RAPGEF5: variants seen among roughly 807,000 people sequenced by gnomAD.
The protein encoded by RAPGEF5 is M-Ras-regulated GEF.
A neutral mutation model predicts 125.2 loss-of-function variants in RAPGEF5; 65 were observed. The ratio of observed to expected loss-of-function variants is 0.52; its 90% CI spans 0.43 to 0.64. The LOEUF is 0.64. Ranked by LOEUF, RAPGEF5 falls within the 30% of genes least tolerant of loss-of-function variation. The pLI is 0.00. For synonymous variants in RAPGEF5, 391 were observed against 385.9 expected, an observed-to-expected ratio of 1.01 and a Z score of -0.16; for missense variants, 958 against 1,048.1, an observed-to-expected ratio of 0.91 and a Z score of 1.19.
chr7:22,287,576 A>T (rs113944220), intron 6 of RAPGEF5, among the ~76,000 whole-genome samples: 2 of 152,174 alleles, frequency 1.3e-5, no homozygotes, highest in African/African-American at 4.8e-5. Flanking sequence ...CAATACCCCC[A>T]AAAACACAGA....
Position 22,154,579 on chromosome 7 carries a change from C to G in RAPGEF5, c.1662G>C (p.Glu554Asp). The change falls in exon 17 of 26, where the codon GAG becomes GAC. Residue 554 changes from glutamate to aspartate, a missense_variant. Glu to Asp is a conservative substitution (Grantham distance 45). Transcript: ENST00000665637. ...EEIFCHVYIT[E>D]HSYVSVKAKV... ...TTGCCTTCACACTGACATAGGAGTG[C>G]TCTGTTATATACACGTGGCAGAAAA... 6.2e-7 allele frequency: 1 copy of G among 1,613,746 alleles called. No homozygotes were observed.
chr7:22,335,608 G>A (rs1006594547), intron 1 of RAPGEF5, among the ~76,000 whole-genome samples: 4 of 150,564 alleles, frequency 2.7e-5, no homozygotes, highest in South Asian at 4.2e-4. Flanking sequence ...CCACAAAGCC[G>A]TATCAACTCT....
intron 1 of RAPGEF5, among the ~76,000 whole-genome samples, chr7:22,341,905 G>A (rs1300099620): frequency 6.6e-6 from 1 of 152,172 alleles, no homozygotes; most frequent in Non-Finnish European, 1.5e-5. Flanking sequence ...GCTGTTAGCA[G>A]ATCTACCATT....
intron 12 of RAPGEF5, among the ~76,000 whole-genome samples, chr7:22,163,718 G>C (rs1305651374): frequency 6.6e-6 from 1 of 152,138 alleles, no homozygotes; most frequent in East Asian, 1.9e-4. Context: ...ATCTATTCTT[G>C]TTGTCTCCAA....
intron 5 of RAPGEF5, among the ~76,000 whole-genome samples, chr7:22,306,712 A>C (rs1234690846): frequency 6.6e-6 from 1 of 152,142 alleles, no homozygotes; most frequent in African/African-American, 2.4e-5. Flanking sequence ...TCTTTAAATC[A>C]TTTTGATTAG....
At chr7:22,281,354 G>T (rs1015110235) in intron 6 of RAPGEF5, among the ~76,000 whole-genome samples, 2 of 152,106 alleles carry the variant, frequency 1.3e-5, no homozygotes, top group African/African-American at 2.4e-5. Flanking sequence ...TGGGACCACA[G>T]GTGCACGCCA....
At chr7:22,325,246 C>A (rs190143800) in intron 1 of RAPGEF5, among the ~76,000 whole-genome samples, 1 of 152,322 alleles carries the variant, frequency 6.6e-6, no homozygotes, top group Admixed American at 6.5e-5. Context: ...CTCTTTTCAA[C>A]CAACCTAACC....
intron 1 of RAPGEF5, among the ~76,000 whole-genome samples, chr7:22,319,908 T>C (rs997401179): frequency 6.6e-6 from 1 of 151,184 alleles, no homozygotes; most frequent in Non-Finnish European, 1.5e-5. Flanking sequence ...GCCACTTGCC[T>C]TCCTGGCCAT....
chr7:22,159,666 C>T (rs10268307), intron 14 of RAPGEF5, among the ~76,000 whole-genome samples: 148,649 of 152,224 alleles, frequency 0.98, 72,586 homozygotes, highest in East Asian at 0.99. Context: ...ATATCGCTAA[C>T]AGTAAAGTTG....
chr7:22,172,279 T>C (rs1289248449), intron 11 of RAPGEF5, among the ~76,000 whole-genome samples: 2 of 151,618 alleles, frequency 1.3e-5, no homozygotes, highest in Non-Finnish European at 2.9e-5. Flanking sequence ...CACACCACCA[T>C]GCCCGGCTAA....
chr7:22,169,884 T>C (rs1484838756), intron 11 of RAPGEF5, among the ~76,000 whole-genome samples: 4 of 10,404 alleles, frequency 3.8e-4, no homozygotes, highest in Non-Finnish European at 9.4e-4. Flanking sequence ...AAAAAAAAGC[T>C]GAATCTTCCC....
At chr7:22,182,308 C>T (rs921057728) in intron 11 of RAPGEF5, among the ~76,000 whole-genome samples, 3 of 152,146 alleles carry the variant, frequency 2.0e-5, no homozygotes, top group East Asian at 1.9e-4. Context: ...GTTTTTCAAC[C>T]GTTGACACTG....
intron 1 of RAPGEF5, among the ~76,000 whole-genome samples, chr7:22,342,417 C>A (rs1344708429): frequency 1.3e-5 from 2 of 152,198 alleles, no homozygotes; most frequent in African/African-American, 4.8e-5. Flanking sequence ...CAGAAAAACC[C>A]TGGAGATATT....
At chr7:22,162,181 T>C (rs1459777243) in intron 13 of RAPGEF5, among the ~76,000 whole-genome samples, 1 of 143,742 alleles carries the variant, frequency 7.0e-6, no homozygotes, top group Admixed American at 7.3e-5. Context: ...TTTACCTTCC[T>C]TAATTATTTC....
intron 11 of RAPGEF5, among the ~76,000 whole-genome samples, chr7:22,186,369 A>G (rs1784827266): frequency 6.6e-6 from 1 of 152,208 alleles, no homozygotes; most frequent in Non-Finnish European, 1.5e-5. Context: ...GTTGCATTTG[A>G]CCAGAAGTTT....
chr7:22,172,555 T>C (rs892461136), intron 11 of RAPGEF5, among the ~76,000 whole-genome samples: 3 of 152,222 alleles, frequency 2.0e-5, no homozygotes, highest in South Asian at 2.1e-4. Context: ...CTCTAAAAAT[T>C]CCCATTTTAT....
chr7:22,166,919 C>G, intron 12 of RAPGEF5, 151 bp downstream of exon 12: 1 of 647,770 alleles, frequency 1.5e-6, no homozygotes, highest in Admixed American at 2.8e-5. Context: ...TGTCTCATTT[C>G]ATCTTCTACC....
intron 7 of RAPGEF5, among the ~76,000 whole-genome samples, chr7:22,259,041 T>G (rs1287642198): frequency 6.6e-6 from 1 of 152,176 alleles, no homozygotes; most frequent in African/African-American, 2.4e-5. Context: ...AAAACATTTC[T>G]GTTTTGCAAA....
intron 5 of RAPGEF5, among the ~76,000 whole-genome samples, chr7:22,301,229 C>CAG (rs1783190942): frequency 6.6e-6 from 1 of 152,160 alleles, no homozygotes; most frequent in Non-Finnish European, 1.5e-5. Flanking sequence ...ATAGATTATT[C>CAG]TTCATAAGAC....
Sources: gnomAD v4.1 joint callset for allele counts (sites outside exome capture counted in the v4.1 genomes callset) on GRCh38, gnomAD v4.1.1 for gene constraint, MANE v1.5 for transcripts, NCBI Gene and HGNC (gene_info 2026-07-23, HGNC 2026-07-21) for gene names.